NRIP3: variants seen among roughly 807,000 people sequenced by gnomAD.
NRIP3 encodes the protein nuclear receptor interacting protein 3, also known as nuclear receptor-interacting protein 3.
In NRIP3, 31 loss-of-function variants were observed where a neutral mutation model predicts 29.0. The observed-to-expected ratio is 1.07, with a 90% CI of 0.80 to 1.44. NRIP3 has a LOEUF of 1.44. Among genes scored for constraint, NRIP3 ranks in the 40% most tolerant of loss-of-function variants. The pLI is 0.00. For synonymous variants in NRIP3, 131 were observed against 118.3 expected (o/e 1.11, Z -0.70); for missense variants, 314 against 297.9 (o/e 1.05, Z -0.40).
At position 8,986,687 on chromosome 11, in the gene NRIP3, G is replaced by T. The variant is rs114191252; in HGVS notation, c.423-837C>A. ...CACCAGGACATTGTTAGTCTTTCTG[G>T]AACCATCATGTTGCACTATACTTCA... On this transcript the variant is annotated intron_variant, in intron 3 of 6. Coordinates refer to ENST00000309166, the MANE Select transcript of NRIP3 (RefSeq NM_020645.3). Among the ~76,000 whole-genome samples the T allele has an allele frequency of 4.4e-3, 675 of 152,238 alleles. 9 individuals are homozygous for T. Among genetic ancestry groups the T allele is most frequent in the African/African-American group, 0.015 (639 of 41,542 alleles).
intron 1 of NRIP3, among the ~76,000 whole-genome samples, chr11:8,993,533 G>T (rs993348705): frequency 6.6e-6 from 1 of 152,142 alleles, no homozygotes; most frequent in Admixed American, 6.5e-5. Flanking sequence ...TCAGGGCTGG[G>T]TGCGGTGGCT....
At chr11:8,998,282 T>C (rs1854742075) in intron 1 of NRIP3, among the ~76,000 whole-genome samples, 1 of 152,252 alleles carries the variant, frequency 6.6e-6, no homozygotes, top group Admixed American at 6.5e-5. Flanking sequence ...TAAGGCAGGC[T>C]GTTACACTGC....
upstream of NRIP3, chr11:9,004,075 G>A (rs1854869234): frequency 1.3e-6 from 1 of 765,410 alleles, no homozygotes; most frequent in Non-Finnish European, 1.9e-6. Context: ...CGCGCGCGGG[G>A]GGCGGGGCCG....
chr11:8,985,869 T>C lies in NRIP3; in HGVS notation c.423-19A>G, dbSNP rs963751249. The C allele has an allele frequency of 5.6e-6, 9 of 1,612,978 alleles. No homozygotes were observed. Among genetic ancestry groups the C allele is most frequent in the Admixed American group, 1.7e-5 (1 of 59,834 alleles). ...CTTGAGTCTGTACCAAAGAGGAAGA[T>C]ACCAAAATCCCCTTGACAGAGATTC... On this transcript the variant is annotated intron_variant, in intron 3 of 6. Coordinates refer to ENST00000309166, the MANE Select transcript of NRIP3 (RefSeq NM_020645.3).
chr11:8,988,275 T>C lies in NRIP3; in HGVS notation c.182A>G (p.His61Arg), dbSNP rs755921342. 6.2e-6 allele frequency: 10 copies of C among 1,613,198 alleles called. No homozygotes were observed. The Admixed American group carries it at 1.5e-4, about 24-fold the overall frequency. Residue 61 changes from histidine (H) to arginine (R), a missense_variant, in exon 2 of 7, where the codon CAT becomes CGT. By Grantham distance (29) the His-to-Arg change is conservative. Transcript: ENST00000309166. ...CATGAGGCGCCTCTGCAGAATATTA[T>C]GAGGTTGCTTGAGGGATAGAAAGCA... The part of the protein sequence containing the change: ...KLGSSKDMQP[H>R]NILQRRLMET...
chr11:9,003,782 G>C lies in NRIP3; in HGVS notation c.154C>G (p.Leu52Val). 2.7e-6 allele frequency: 4 copies of C among 1,488,866 alleles called. No homozygotes were observed. Among genetic ancestry groups the C allele is most frequent in the Non-Finnish European group, 3.6e-6 (4 of 1,115,910 alleles). 92.2% of individuals were successfully genotyped at this position (1,488,866 alleles called of 1,614,324 possible). ...DLLPLDGLKK[L>V]GSSKDMQPHN... is the part of the protein sequence containing the mutation. ...CTCACCATGTCCTTGGACGAGCCCA[G>C]CTTCTTGAGGCCGTCCAGGGGCAGC... Residue 52 changes from leucine (L) to valine (V), a missense_variant, in exon 1 of 7, where the codon CTG becomes GTG. Physicochemically the swap from Leu to Val is conservative, Grantham distance 32 (BLOSUM62 1). Transcript: ENST00000309166.
intron 4 of NRIP3, among the ~76,000 whole-genome samples, chr11:8,984,976 C>G (rs912819660): frequency 1.3e-5 from 2 of 151,866 alleles, no homozygotes; most frequent in African/African-American, 2.4e-5. Context: ...CTCAGCCTCC[C>G]AAGTAGCTGG....
upstream of NRIP3, chr11:9,004,370 C>G (rs1198813210): frequency 6.5e-6 from 1 of 154,430 alleles, no homozygotes; most frequent in Non-Finnish European, 1.4e-5. Context: ...GTGGCCGACC[C>G]GGGGATCACC....
chr11:8,986,182 C>T (rs1854520564), intron 3 of NRIP3, among the ~76,000 whole-genome samples: 1 of 152,176 alleles, frequency 6.6e-6, no homozygotes, highest in South Asian at 2.1e-4. Context: ...TTGACACATC[C>T]TTTTACCCAT....
chr11:8,987,523 CCACTCAG>C lies in NRIP3; in HGVS notation c.422+18_422+24del. 1 of 1,529,934 alleles carries C rather than the reference CCACTCAG, an allele frequency of 6.5e-7. No homozygotes were observed. The highest frequency in any genetic ancestry group is 1.1e-5 in the South Asian group (1 of 89,408). 94.8% of individuals were successfully genotyped at this position (1,529,934 alleles called of 1,614,324 possible). A position where few individuals can be genotyped will look rare whatever the true frequency, so the allele number is the denominator to read the frequency against. ...CGAAGAGTACAGTCACATCTAAGTTCCACTCAGCACAAGTGCCTACTTACCCCAATCT... is the reference window on the plus strand; with the variant it reads ...CGAAGAGTACAGTCACATCTAAGTTCCACAAGTGCCTACTTACCCCAATCT... On this transcript the variant is annotated intron_variant, in intron 3 of 6. Coordinates refer to ENST00000309166, the MANE Select transcript of NRIP3 (RefSeq NM_020645.3).
chr11:8,985,594 A>G, intron 4 of NRIP3, 117 bp downstream of exon 4: 1 of 1,344,108 alleles, frequency 7.4e-7, no homozygotes, highest in East Asian at 2.4e-5. Context: ...GTACAAAAAA[A>G]TGGGAACCAT....
chr11:8,983,962 A>T lies in NRIP3; in HGVS notation c.623T>A (p.Ile208Lys). 1 of 1,614,094 alleles carries T rather than the reference A, an allele frequency of 6.2e-7. No individual in the cohort carries two copies. Among genetic ancestry groups the T allele is most frequent in the East Asian group, 2.2e-5 (1 of 44,880 alleles). The change falls in exon 6 of 7, where the codon ATA (isoleucine) becomes AAA (lysine). Residue 208 changes from isoleucine (I) to lysine (K), a missense_variant. Transcript: ENST00000309166. ...GATCAGCCGGTGCTTATCCAAGTTT[A>T]TGATGCACTGAAAACAGGTAACTTG... ...LQTLRSLKCIINLDKHRLIMG... is the reference protein window; with the variant it reads ...LQTLRSLKCIKNLDKHRLIMG...
chr11:9,004,063 T>G (rs1854868936), upstream of NRIP3: 2 of 925,748 alleles, frequency 2.2e-6, no homozygotes, highest in East Asian at 6.7e-5. Context: ...GAGCAGCCAG[T>G]GCGCGCGCGG....
At chr11:8,985,607 T>G in intron 4 of NRIP3, 104 bp downstream of exon 4, 2 of 1,442,092 alleles carry the variant, frequency 1.4e-6, no homozygotes, top group Non-Finnish European at 1.9e-6. Flanking sequence ...GGAACCATTT[T>G]GAAAAAGTCA....
rs1854455061 is a variant in NRIP3, at chr11:8,983,478, C to T, written c.*67G>A. The T allele has an allele frequency of 6.5e-7, 1 of 1,531,972 alleles. No homozygotes were observed. The allele number at this position is 1,531,972 out of a possible 1,614,324, so 94.9% of individuals were successfully genotyped here. On this transcript the variant is annotated 3_prime_UTR_variant, in exon 7 of 7. Transcript: ENST00000309166. ...AGTCACTACGGCATTTGGTTCAAAC[C>T]CAGTTTTCTCTATCTGTCAACCCGG... is the stretch of plus-strand genomic sequence containing the variant.
At chr11:8,994,141 T>C (rs1279480410) in intron 1 of NRIP3, among the ~76,000 whole-genome samples, 2 of 152,204 alleles carry the variant, frequency 1.3e-5, no homozygotes, top group Admixed American at 6.5e-5. Context: ...CTCTGTTAAT[T>C]CTCTTGGACA....
intron 1 of NRIP3, among the ~76,000 whole-genome samples, chr11:9,001,950 A>ATGTGTC (rs1381405612): frequency 1.3e-5 from 2 of 152,262 alleles, no homozygotes; most frequent in Non-Finnish European, 2.9e-5. Context: ...TACTCAAGGC[A>ATGTGTC]ATATCCTGCT....
intron 1 of NRIP3, among the ~76,000 whole-genome samples, chr11:9,000,923 G>T (rs1447901728): frequency 6.6e-5 from 10 of 152,058 alleles, no homozygotes; most frequent in African/African-American, 2.4e-4. Flanking sequence ...ACAAAAGTTA[G>T]ATTGGTGTTG....
At chr11:8,990,596 T>C (rs1854583061) in intron 1 of NRIP3, among the ~76,000 whole-genome samples, 1 of 151,876 alleles carries the variant, frequency 6.6e-6, no homozygotes, top group African/African-American at 2.4e-5. Flanking sequence ...GACCAGCCTG[T>C]CCAACATGGC....
Sources: gnomAD v4.1 joint callset for allele counts (sites outside exome capture counted in the v4.1 genomes callset) on GRCh38, gnomAD v4.1.1 for gene constraint, MANE v1.5 for transcripts, NCBI Gene and HGNC (gene_info 2026-07-23, HGNC 2026-07-21) for gene names.